IL3RA: variants seen among roughly 807,000 people sequenced by gnomAD.
IL3RA encodes interleukin 3 receptor subunit alpha.
Under a neutral mutation model 52.3 loss-of-function variants are expected in IL3RA, and 73 were observed. The observed-to-expected ratio is 1.40, with a 90% confidence interval of 1.16 to 1.70. The LOEUF (loss-of-function observed/expected upper bound fraction) is 1.70, where lower values mean the gene tolerates loss of function less well. Ranked by LOEUF, IL3RA falls within the 40% of genes most tolerant of loss-of-function variation. IL3RA has a pLI of 0.00. For missense variants in IL3RA, 664 were observed against 504.4 expected, an observed-to-expected ratio of 1.32 and a Z score of -3.03; for synonymous variants, 260 against 194.0, an observed-to-expected ratio of 1.34 and a Z score of -2.83.
intron 4 of IL3RA, 122 bp downstream of exon 4, chrX:1,348,667 T>G: frequency 2.2e-6 from 1 of 455,108 alleles, no homozygotes; most frequent in South Asian, 2.8e-5. Context: ...TCTTTCTTTC[T>G]TTCTTTCTTT....
At chrX:1,348,068 CG>C (rs1273808876) in intron 3 of IL3RA, among the ~76,000 whole-genome samples, 1 of 143,026 alleles carries the variant, frequency 7.0e-6, no homozygotes, top group Non-Finnish European at 1.5e-5. Context: ...AAGTCTTGGC[CG>C]GGCACGGTGG....
In IL3RA at chrX:1,344,429, G is replaced by A. The variant is rs145383322; in HGVS notation, c.65-887G>A. Among the ~76,000 whole-genome samples the A allele has an allele frequency of 1.9e-4, 29 of 150,766 alleles. No individual in the cohort carries two copies. The East Asian group carries it at 3.2e-3, about 17-fold the overall frequency. On this transcript the variant is annotated intron_variant, in intron 2 of 11. Coordinates refer to ENST00000331035, the MANE Select transcript of IL3RA (RefSeq NM_002183.4). ...AGCCTGGGCGACAGAGTGAGACTCC[G>A]TCTCAAAACAAACAAGCAAACAAAA...
chrX:1,380,880 G>A, intron 10 of IL3RA, 143 bp from the exon 11 acceptor site: 1 of 718,002 alleles, frequency 1.4e-6, no homozygotes, highest in African/African-American at 1.8e-5. Flanking sequence ...GGGCCTCAGG[G>A]GCCGGGAAAA....
intron 8 of IL3RA, among the ~76,000 whole-genome samples, chrX:1,364,887 C>T (rs1450459730): frequency 6.6e-6 from 1 of 152,012 alleles, no homozygotes; most frequent in African/African-American, 2.4e-5. Context: ...CGCCTCACTG[C>T]AACCTCCACC....
intron 9 of IL3RA, among the ~76,000 whole-genome samples, chrX:1,368,483 G>A (rs1411539217): frequency 6.6e-6 from 1 of 152,146 alleles, no homozygotes; most frequent in Non-Finnish European, 1.5e-5. Flanking sequence ...CTACCAGGGA[G>A]GCTGAGGCAG....
chrX:1,365,294 CGGGGTGCGCGGGGTGA>C, intron 9 of IL3RA, 42 bp downstream of exon 9: 1 of 997,714 alleles, frequency 1.0e-6, no homozygotes, highest in Non-Finnish European at 1.4e-6. Context: ...GCGGGGTGAG[CGGGGTGCGCGGGGTGA>C]GCGGGGTGCG....
At chrX:1,348,878 C>CCTTT (rs200350119) in intron 4 of IL3RA, among the ~76,000 whole-genome samples, 8,266 of 69,878 alleles carry the variant, frequency 0.12, 855 homozygotes, top group African/African-American at 0.4. Context: ...TCCTTCCTTC[C>CCTTT]CTTTCGTTTT....
intron 3 of IL3RA, among the ~76,000 whole-genome samples, chrX:1,346,654 C>G (rs1207258312): frequency 6.7e-6 from 1 of 148,348 alleles, no homozygotes; most frequent in Non-Finnish European, 1.5e-5. Context: ...AGTGTGTGCT[C>G]AGGAAACAAG....
chrX:1,368,415 T>C (rs1469052326), intron 9 of IL3RA, among the ~76,000 whole-genome samples: 1 of 151,936 alleles, frequency 6.6e-6, no homozygotes, highest in East Asian at 1.9e-4. Flanking sequence ...AAAAACCCTG[T>C]CTCTACTAAA....
rs6603272 is a variant in IL3RA at position 1,352,245 on chromosome X, G to A, written c.431+13G>A. On this transcript the variant is annotated intron_variant, in intron 5 of 11. Coordinates refer to ENST00000331035, the MANE Select transcript of IL3RA (RefSeq NM_002183.4). Reference sequence around the variant, plus strand: ...TGAACGTTGCCAAGTAGGTGTGCCCGTGGGCAGAGGCCGGGCTGTCCCTGG... The same window carrying A: ...TGAACGTTGCCAAGTAGGTGTGCCCATGGGCAGAGGCCGGGCTGTCCCTGG... 3 of 1,613,114 alleles carry A rather than the reference G, an allele frequency of 1.9e-6. No individual in the cohort carries two copies. The highest frequency in any genetic ancestry group is 2.5e-6 in the Non-Finnish European group (3 of 1,179,482).
At chrX:1,365,108 C>G in intron 8 of IL3RA, 30 bp from the exon 9 acceptor site, 1 of 1,535,146 alleles carries the variant, frequency 6.5e-7, no homozygotes, top group Non-Finnish European at 9.0e-7. Context: ...CATACCTGGC[C>G]CCTCTTCTTT....
intron 1 of IL3RA, 129 bp downstream of exon 1, chrX:1,337,055 T>A (rs2085348690): frequency 6.6e-6 from 1 of 152,218 alleles, no homozygotes; most frequent in South Asian, 2.1e-4. Flanking sequence ...TGCTGAGACC[T>A]GCTGTCCGTG....
At chrX:1,348,644 C>T (rs866288615) in intron 4 of IL3RA, 99 bp downstream of exon 4, 35 of 496,902 alleles carry the variant, frequency 7.0e-5, no homozygotes, top group Admixed American at 1.8e-4. Flanking sequence ...TTTTCTTTTT[C>T]TCTTTCTTTC....
chrX:1,346,263 A>AC (rs1482923166), intron 3 of IL3RA, among the ~76,000 whole-genome samples: 1 of 151,582 alleles, frequency 6.6e-6, no homozygotes, highest in Non-Finnish European at 1.5e-5. Flanking sequence ...ACATGGTGAA[A>AC]CCCCGCCTCC....
intron 10 of IL3RA, 107 bp from the exon 11 acceptor site, chrX:1,380,916 G>C: frequency 1.1e-6 from 1 of 920,996 alleles, no homozygotes; most frequent in Non-Finnish European, 1.8e-6. Flanking sequence ...TAGATGACTT[G>C]AGTCTTTTGC....
intron 4 of IL3RA, 95 bp downstream of exon 4, chrX:1,348,640 T>TTCTCTC: frequency 1.4e-6 from 1 of 721,674 alleles, no homozygotes; most frequent in East Asian, 2.7e-5. Context: ...TTTCTTTTCT[T>TTCTCTC]TTTCTCTTTC....
chrX:1,377,779 G>C (rs1323300813), intron 9 of IL3RA, among the ~76,000 whole-genome samples: 3 of 150,500 alleles, frequency 2.0e-5, no homozygotes, highest in African/African-American at 7.3e-5. Context: ...GATCCTCTCG[G>C]GAGGCTAAGA....
At position 1,348,598 on chromosome X, in the gene IL3RA, C is replaced by G. The variant is rs111425513; in HGVS notation, c.298+53C>G. On this transcript the variant is annotated intron_variant, in intron 4 of 11. Coordinates refer to ENST00000331035, the MANE Select transcript of IL3RA (RefSeq NM_002183.4). ...TTCTCTATTCCCTCCCTCCTTCCCT[C>G]TCTCCCTCCCTCTCGCCTTCGCTGT... The G allele has an allele frequency of 2.4e-3, 2,955 of 1,218,006 alleles. 88 individuals carry two copies. In the African/African-American group the frequency reaches 0.04, roughly 16 times the overall value. 75.4% of individuals were successfully genotyped at this position (1,218,006 alleles called of 1,614,324 possible).
At chrX:1,356,180 C>T (rs778981313) in intron 6 of IL3RA, 41 bp from the exon 7 acceptor site, 75 of 1,200,516 alleles carry the variant, frequency 6.2e-5, no homozygotes, top group Non-Finnish European at 5.7e-5. Context: ...GAATTGATTT[C>T]TTGTACTCCT....
Sources: gnomAD v4.1 joint callset for allele counts (sites outside exome capture counted in the v4.1 genomes callset) on GRCh38, gnomAD v4.1.1 for gene constraint, MANE v1.5 for transcripts, NCBI Gene and HGNC (gene_info 2026-07-23, HGNC 2026-07-21) for gene names.